Variants in PEDS1 observed in about 807,000 individuals in gnomAD.
PEDS1 encodes CarF homolog.
In PEDS1, 14 loss-of-function variants were observed where a neutral mutation model predicts 35.2. The observed-to-expected ratio is 0.40, with a 90% confidence interval of 0.26 to 0.62. PEDS1 has a LOEUF of 0.62. Among genes scored for constraint, PEDS1 ranks in the 20% least tolerant of loss-of-function variants. The pLI is 0.44. For synonymous variants in PEDS1, 152 were observed against 152.0 expected, an observed-to-expected ratio of 1.00 and a Z score of 0.00; for missense variants, 260 against 367.8, an observed-to-expected ratio of 0.71 and a Z score of 2.40.
In PEDS1 at chr20:50,122,293, G is replaced by A. The variant is rs994758359; in HGVS notation, c.*2765C>T. 3 of 152,180 alleles carry A rather than the reference G, an allele frequency of 2.0e-5. No individual in the cohort carries two copies. The highest frequency in any genetic ancestry group is 1.5e-5 in the Non-Finnish European group (1 of 68,036). 9.4% of individuals were successfully genotyped at this position (152,180 alleles called of 1,614,324 possible). On this transcript the variant is annotated 3_prime_UTR_variant, in exon 6 of 6. Transcript: ENST00000371652. ...TTTTAGCTGTTTACTTTAAATTTCT[G>A]TCATTTATGAGTTGTCGAATTCTAA... is the stretch of plus-strand genomic sequence containing the variant.
At chr20:50,131,534 A>G (rs956963300) in intron 2 of PEDS1, among the ~76,000 whole-genome samples, 2 of 151,996 alleles carry the variant, frequency 1.3e-5, no homozygotes, top group Non-Finnish European at 2.9e-5. Context: ...AGGCAGGAGA[A>G]TCACTTGAAC....
intron 1 of PEDS1, among the ~76,000 whole-genome samples, chr20:50,151,581 C>T (rs1247545670): frequency 6.6e-6 from 1 of 152,202 alleles, no homozygotes; most frequent in East Asian, 1.9e-4. Flanking sequence ...AGGGAGGCGC[C>T]AGGCACAGTG....
rs113394796 is a variant in PEDS1, at chr20:50,150,631, G to A, written c.121+2886C>T. 3.1e-3 allele frequency among the ~76,000 whole-genome samples: 470 copies of A among 152,250 alleles called. 4 individuals carry two copies. The highest frequency in any genetic ancestry group is 0.011 in the African/African-American group (438 of 41,556). On this transcript the variant is annotated intron_variant, in intron 1 of 5. Coordinates refer to ENST00000371652, the MANE Select transcript of PEDS1 (RefSeq NM_199129.4). The stretch of plus-strand genomic sequence containing the variant: ...CACAGCGCTTGCCACCACTGGGCAC[G>A]TGAGACAGTTATTTGTCAAGTTTAT...
At chr20:50,147,413 A>C (rs1290982665) in intron 1 of PEDS1, among the ~76,000 whole-genome samples, 1 of 152,174 alleles carries the variant, frequency 6.6e-6, no homozygotes, top group Non-Finnish European at 1.5e-5. Context: ...GGGTGGCCAG[A>C]TTTGGTGGCA....
At chr20:50,140,772 C>T (rs1015615154) in intron 2 of PEDS1, among the ~76,000 whole-genome samples, 6 of 152,192 alleles carry the variant, frequency 3.9e-5, no homozygotes, top group Non-Finnish European at 8.8e-5. Context: ...CTGCCTGGGA[C>T]AGTGGAAGCT....
Position 50,150,189 on chromosome 20 carries a change from G to A in PEDS1, c.121+3328C>T, listed in dbSNP as rs1379082481. Among the ~76,000 whole-genome samples, 3 of 152,140 alleles carry A rather than the reference G, an allele frequency of 2.0e-5. No individual in the cohort carries two copies. In the East Asian group the frequency reaches 5.8e-4, roughly 29 times the overall value. ...CACACGGTTGTAGTGGGGATGCACG[G>A]AGAGCAGGTGAGGAAAATGCCAGCA... On this transcript the variant is annotated intron_variant, in intron 1 of 5. Transcript: ENST00000371652.
Position 50,128,217 on chromosome 20 carries a change from C to T in PEDS1, c.479-30G>A, listed in dbSNP as rs747191244. Reference sequence around the variant, plus strand: ...AGGTTGGGGAGAGGGGGGGCCGGCACAGCTGTCACTCGGGACGGGGAACCC... The same window carrying T: ...AGGTTGGGGAGAGGGGGGGCCGGCATAGCTGTCACTCGGGACGGGGAACCC... On this transcript the variant is annotated intron_variant, in intron 4 of 5. Transcript: ENST00000371652. The surrounding 1 kb of genome is among the most constrained non-coding windows in gnomAD (Gnocchi z 5.2). 1.2e-6 allele frequency: 2 copies of T among 1,612,478 alleles called. No homozygotes were observed. The highest frequency in any genetic ancestry group is 1.1e-5 in the South Asian group (1 of 90,986).
intron 2 of PEDS1, among the ~76,000 whole-genome samples, chr20:50,139,817 A>C (rs942061507): frequency 1.3e-5 from 2 of 151,260 alleles, no homozygotes; most frequent in African/African-American, 4.9e-5. Context: ...AGTAGCTGGG[A>C]TTATAGGCGC....
chr20:50,153,546 GC>G lies in PEDS1; in HGVS notation c.91del (p.Ala31ProfsTer20), dbSNP rs1244472933. 2.8e-6 allele frequency: 4 copies of G among 1,431,798 alleles called. No homozygotes were observed. The highest frequency in any genetic ancestry group is 2.8e-6 in the Non-Finnish European group (3 of 1,085,964). The allele number at this position is 1,431,798 out of a possible 1,614,324, so 88.7% of individuals were successfully genotyped here. ...CCRWGAQHAG[A>X]RELAALYSPG... ...CGAGTAGAGCGCAGCCAGCTCGCGG[GC>G]CCCGGCGTGCTGCGCGCCCCAGCGG... is the stretch of plus-strand genomic sequence containing the variant. On this transcript the variant is annotated frameshift_variant, in exon 1 of 6. Transcript: ENST00000371652. LOFTEE classifies it high-confidence loss of function.
rs147647763 is a variant in PEDS1 at position 50,147,602 on chromosome 20, G to A, written c.122-3981C>T. On this transcript the variant is annotated intron_variant, in intron 1 of 5. Coordinates refer to ENST00000371652, the MANE Select transcript of PEDS1 (RefSeq NM_199129.4). ...ATGAGACATGTTAGCCTGGACGTTC[G>A]GGGCAGTCCTGAAACCAAAGATGAT... Among the ~76,000 whole-genome samples the A allele has an allele frequency of 3.4e-3, 514 of 152,320 alleles. 15 individuals are homozygous for A. Among genetic ancestry groups the A allele is most frequent in the Admixed American group, 0.027 (410 of 15,294 alleles).
At chr20:50,147,179 T>C (rs2081354997) in intron 1 of PEDS1, among the ~76,000 whole-genome samples, 1 of 152,216 alleles carries the variant, frequency 6.6e-6, no homozygotes, top group Admixed American at 6.5e-5. Context: ...GTGTGGCCCA[T>C]ATCGGAGAGG....
At chr20:50,136,110 C>A (rs962757289) in intron 2 of PEDS1, among the ~76,000 whole-genome samples, 2 of 151,820 alleles carry the variant, frequency 1.3e-5, no homozygotes, top group African/African-American at 4.9e-5. Flanking sequence ...AAAAAAAAAA[C>A]CTGATATTTA....
rs532266563 is a variant in PEDS1 at position 50,138,622 on chromosome 20, T to C, written c.241+4880A>G. Among the ~76,000 whole-genome samples, 196 of 152,286 alleles carry C rather than the reference T, an allele frequency of 1.3e-3. 1 individual carries two copies. Among genetic ancestry groups the C allele is most frequent in the African/African-American group, 4.4e-3 (181 of 41,572 alleles). On this transcript the variant is annotated intron_variant, in intron 2 of 5. Coordinates refer to ENST00000371652, the MANE Select transcript of PEDS1 (RefSeq NM_199129.4). ...TTTGGACAGAAGTCAGGAATCATCT[T>C]AGGAGACCAGGAGCCCTCCCCCTGG...
Position 50,124,248 on chromosome 20 carries a change from GA to G in PEDS1, c.*809del, listed in dbSNP as rs2081075852. On this transcript the variant is annotated 3_prime_UTR_variant, in exon 6 of 6. Coordinates refer to ENST00000371652, the MANE Select transcript of PEDS1 (RefSeq NM_199129.4). ...CATTAAAATATTACTCCGTGTTACAGAAAAGATATTAAGGCTTTCTATTATT... is the reference window on the plus strand; with the variant it reads ...CATTAAAATATTACTCCGTGTTACAGAAAGATATTAAGGCTTTCTATTATT... The G allele has an allele frequency of 6.6e-6, 1 of 152,504 alleles. No homozygotes were observed. Among genetic ancestry groups the G allele is most frequent in the African/African-American group, 2.4e-5 (1 of 41,382 alleles). 9.4% of individuals were successfully genotyped at this position (152,504 alleles called of 1,614,324 possible). A position where few individuals can be genotyped will look rare whatever the true frequency, so the allele number is the denominator to read the frequency against.
chr20:50,149,671 C>A (rs184937248), intron 1 of PEDS1, among the ~76,000 whole-genome samples: 8 of 152,244 alleles, frequency 5.3e-5, no homozygotes, highest in African/African-American at 1.7e-4. Flanking sequence ...CAGCCCCATG[C>A]TGCTCTGGTC....
intron 2 of PEDS1, among the ~76,000 whole-genome samples, chr20:50,136,010 G>C (rs2081230277): frequency 6.6e-6 from 1 of 152,080 alleles, no homozygotes; most frequent in African/African-American, 2.4e-5. Flanking sequence ...GGGCTGTTTT[G>C]AATCTGCTGC....
chr20:50,143,187 G>A (rs1010332989), intron 2 of PEDS1, among the ~76,000 whole-genome samples: 3 of 152,160 alleles, frequency 2.0e-5, no homozygotes, highest in Admixed American at 2.0e-4. Flanking sequence ...CTGGACAAGC[G>A]TGGGGACCAT....
Position 50,129,696 on chromosome 20 carries a change from G to A in PEDS1, c.334-6C>T, listed in dbSNP as rs761521720. The A allele has an allele frequency of 8.7e-6, 14 of 1,613,686 alleles. No individual in the cohort carries two copies. The South Asian group carries it at 1.5e-4, about 18-fold the overall frequency. On this transcript the variant is annotated splice_polypyrimidine_tract_variant and splice_region_variant and intron_variant, in intron 3 of 5. Coordinates refer to ENST00000371652, the MANE Select transcript of PEDS1 (RefSeq NM_199129.4). The surrounding 1 kb of genome is among the most constrained non-coding windows in gnomAD (Gnocchi z 4.2). Reference sequence around the variant, plus strand: ...CGGAAGGGTCGGATGAAAGCCTGGAGTTGAGGGGGACACAGCCCCAGCAGT... The same window carrying A: ...CGGAAGGGTCGGATGAAAGCCTGGAATTGAGGGGGACACAGCCCCAGCAGT...
chr20:50,139,031 G>A lies in PEDS1; in HGVS notation c.241+4471C>T, dbSNP rs186988833. ...GGCGTGGCTGAGGAGCCAAGTGAAT[G>A]CACTGAGGGCAAATCCATGGGTTTC... On this transcript the variant is annotated intron_variant, in intron 2 of 5. Transcript: ENST00000371652. Among the ~76,000 whole-genome samples the A allele has an allele frequency of 1.2e-3, 189 of 152,272 alleles. 1 individual carries two copies. The highest frequency in any genetic ancestry group is 4.4e-3 in the African/African-American group (181 of 41,564).
Sources: gnomAD v4.1 joint callset for allele counts (sites outside exome capture counted in the v4.1 genomes callset) on GRCh38, gnomAD v4.1.1 for gene constraint, Gnocchi (gnomAD v3.1) non-coding constraint, MANE v1.5 for transcripts, NCBI Gene and HGNC (gene_info 2026-07-23, HGNC 2026-07-21) for gene names.